The following KATNBL1 variants were observed in gnomAD, a reference collection of about 807,000 sequenced individuals.
The protein encoded by KATNBL1 is KATNB1-like protein 1.
In KATNBL1, 28 loss-of-function variants were observed where a neutral mutation model predicts 44.7. The ratio of observed to expected loss-of-function variants is 0.63; its 90% CI spans 0.46 to 0.86. The LOEUF (loss-of-function observed/expected upper bound fraction) is 0.86, where lower values mean the gene tolerates loss of function less well. KATNBL1 is among the 40% of genes least tolerant of loss of function. The pLI is 0.00. For missense variants in KATNBL1, 272 were observed against 350.7 expected, an observed-to-expected ratio of 0.78 and a Z score of 1.79; for synonymous variants, 78 against 114.9, an observed-to-expected ratio of 0.68 and a Z score of 2.06.
chr15:34,163,634 T>C lies in KATNBL1; in HGVS notation c.43A>G (p.Asn15Asp). Residue 15 changes from asparagine to aspartate, a missense_variant, in exon 2 of 10, where the codon AAT becomes GAT. By Grantham distance (23) the Asn-to-Asp change is conservative (BLOSUM62 1). Around this residue, in one of 3 missense-constraint regions of KATNBL1, gnomAD observed 122 missense variants for 125.0 expected, o/e 0.98. Coordinates refer to ENST00000256544, the MANE Select transcript of KATNBL1 (RefSeq NM_024713.3). ...TCAATGAAATGATCCTCAATCTTAT[T>C]ACAAAAGTTCCGTTTTTTAACATTG... The part of the protein sequence containing the change: ...THNVKKRNFC[N>D]KIEDHFIDLP... 1.3e-6 allele frequency: 2 copies of C among 1,598,978 alleles called. No homozygotes were observed. The highest frequency in any genetic ancestry group is 1.7e-6 in the Non-Finnish European group (2 of 1,174,698).
chr15:34,180,413 C>T (rs1816575166), intron 1 of KATNBL1, among the ~76,000 whole-genome samples: 1 of 152,208 alleles, frequency 6.6e-6, no homozygotes, highest in Admixed American at 6.5e-5. Context: ...AGGGCCCTTC[C>T]CTGACTCTTT....
chr15:34,192,943 CG>C (rs1889917973), intron 1 of KATNBL1, among the ~76,000 whole-genome samples: 1 of 152,076 alleles, frequency 6.6e-6, no homozygotes, highest in Admixed American at 6.5e-5. Context: ...GCTTGCCGGG[CG>C]CGGTGGCTCA....
At chr15:34,173,788 G>A (rs552397095) in intron 1 of KATNBL1, among the ~76,000 whole-genome samples, 1 of 152,164 alleles carries the variant, frequency 6.6e-6, no homozygotes, top group South Asian at 2.1e-4. Flanking sequence ...TAGAAGGAAT[G>A]GCACATTTTT....
intron 2 of KATNBL1, among the ~76,000 whole-genome samples, chr15:34,157,189 G>A (rs1362343339): frequency 1.3e-5 from 2 of 152,162 alleles, no homozygotes; most frequent in South Asian, 2.1e-4. Context: ...ATAACAAGAG[G>A]ACTAGCAATA....
intron 8 of KATNBL1, chr15:34,146,120 A>AT (rs1317859598): frequency 1.3e-5 from 2 of 151,924 alleles, no homozygotes; most frequent in African/African-American, 4.8e-5. Flanking sequence ...TAATTTTTGT[A>AT]TTTTTTGTAG....
intron 1 of KATNBL1, among the ~76,000 whole-genome samples, chr15:34,167,291 C>T (rs888005496): frequency 1.1e-4 from 16 of 152,118 alleles, no homozygotes; most frequent in African/African-American, 3.4e-4. Flanking sequence ...ACGAGAACTT[C>T]ATAAAGCATA....
chr15:34,152,349 G>GC (rs886306852), intron 4 of KATNBL1, among the ~76,000 whole-genome samples: 63 of 151,582 alleles, frequency 4.2e-4, no homozygotes, highest in Admixed American at 2.9e-3. Context: ...GATTACAGGC[G>GC]CCCCCCACCA....
chr15:34,159,153 C>CT lies in KATNBL1; in HGVS notation c.117+4406dup, dbSNP rs202030200. Among the ~76,000 whole-genome samples, 513 of 128,254 alleles carry CT rather than the reference C, an allele frequency of 4.0e-3. 23 individuals carry two copies. In the East Asian group the frequency reaches 0.099, roughly 25 times the overall value. 84.1% of individuals were successfully genotyped at this position (128,254 alleles called of 152,430 possible). ...AGTTCCTTCTAAAAGTTAATTTTTT[C>CT]TTTTTTTTCTGTTAATAGGGCTGTT... On this transcript the variant is annotated intron_variant, in intron 2 of 9. Coordinates refer to ENST00000256544, the MANE Select transcript of KATNBL1 (RefSeq NM_024713.3).
chr15:34,195,985 G>A (rs945406096), intron 1 of KATNBL1, among the ~76,000 whole-genome samples: 3 of 152,104 alleles, frequency 2.0e-5, no homozygotes, highest in Non-Finnish European at 4.4e-5. Context: ...TAAACTACGT[G>A]TGCATGCTTA....
intron 1 of KATNBL1, among the ~76,000 whole-genome samples, chr15:34,193,982 C>T (rs1321709229): frequency 2.0e-5 from 3 of 151,748 alleles, no homozygotes; most frequent in Non-Finnish European, 2.9e-5. Context: ...TGCTCTGTTG[C>T]CCAGACTGGA....
chr15:34,180,270 GA>G (rs5811823), intron 1 of KATNBL1, among the ~76,000 whole-genome samples: 20 of 149,966 alleles, frequency 1.3e-4, no homozygotes, highest in East Asian at 7.8e-4. Flanking sequence ...TCTCTCATCT[GA>G]AAAAAAAAAT....
rs539838825 is a variant in KATNBL1, at chr15:34,190,988, T to C, written c.-15+18963A>G. 2.6e-5 allele frequency among the ~76,000 whole-genome samples: 4 copies of C among 152,140 alleles called. No homozygotes were observed. In the South Asian group the frequency reaches 6.2e-4, roughly 24 times the overall value. Reference sequence around the variant, plus strand: ...AATAAAATAAGAGGATGAGGCTACATATTAAAAGACACTTCAGGACTATAT... The same window carrying C: ...AATAAAATAAGAGGATGAGGCTACACATTAAAAGACACTTCAGGACTATAT... On this transcript the variant is annotated intron_variant, in intron 1 of 9. Coordinates refer to ENST00000256544, the MANE Select transcript of KATNBL1 (RefSeq NM_024713.3).
chr15:34,199,756 T>A (rs1018715234), intron 1 of KATNBL1: 1 of 152,290 alleles, frequency 6.6e-6, no homozygotes, highest in Non-Finnish European at 1.5e-5. Context: ...CGGAGGACCT[T>A]CGTGGCAAGT....
intron 4 of KATNBL1, among the ~76,000 whole-genome samples, chr15:34,151,435 A>ATTTTTTTTTTTTTTTTT (rs1491367010): frequency 1.6e-5 from 1 of 63,828 alleles, no homozygotes; most frequent in Non-Finnish European, 3.2e-5. Flanking sequence ...TCCTTTGCCT[A>ATTTTTTTTTTTTTTTTT]CTTTTTTTTT....
chr15:34,144,529 G>A (rs1196351913), intron 9 of KATNBL1, among the ~76,000 whole-genome samples: 29 of 150,952 alleles, frequency 1.9e-4, no homozygotes, highest in Non-Finnish European at 3.0e-5. Context: ...ATTTCTTAAT[G>A]ACAATTTTTT....
chr15:34,142,869 G>T, intron 9 of KATNBL1: 1 of 335,004 alleles, frequency 3.0e-6, no homozygotes, highest in Non-Finnish European at 5.8e-6. Flanking sequence ...GCACCACCAC[G>T]CCCGGCTAAT....
chr15:34,177,371 G>A (rs1252375650), intron 1 of KATNBL1, among the ~76,000 whole-genome samples: 1 of 152,068 alleles, frequency 6.6e-6, no homozygotes, highest in Non-Finnish European at 1.5e-5. Flanking sequence ...TAGGCTGGGA[G>A]CGGTGGCTCA....
intron 1 of KATNBL1, among the ~76,000 whole-genome samples, chr15:34,200,590 A>T (rs12592460): frequency 9.9e-5 from 15 of 151,940 alleles, no homozygotes; most frequent in South Asian, 2.1e-4. Flanking sequence ...AGTTTTCCAC[A>T]GTAAGCTGAT....
At chr15:34,178,755 C>CAAAAAA (rs59061813) in intron 1 of KATNBL1, among the ~76,000 whole-genome samples, 2 of 122,680 alleles carry the variant, frequency 1.6e-5, no homozygotes, top group Non-Finnish European at 3.3e-5. Context: ...GACTCTGTCT[C>CAAAAAA]AAAAAAAAAA....
Sources: allele counts gnomAD v4.1 joint callset (sites outside exome capture counted in the v4.1 genomes callset), GRCh38; gene constraint gnomAD v4.1.1; regional missense constraint gnomAD v4.1.1; transcripts MANE v1.5; gene names NCBI Gene and HGNC (gene_info 2026-07-23, HGNC 2026-07-21).